RBFOX3: variants seen among roughly 807,000 people sequenced by gnomAD.
RBFOX3 encodes RNA binding protein fox-1 homolog 3.
A neutral mutation model predicts 48.7 loss-of-function variants in RBFOX3; 17 were observed. The observed-to-expected ratio is 0.35, with a 90% CI of 0.24 to 0.52. RBFOX3 has a LOEUF of 0.52. Ranked by LOEUF, RBFOX3 falls within the 20% of genes least tolerant of loss-of-function variation. The probability of loss-of-function intolerance (pLI) is 0.94; values close to 1 mark genes in which losing one functional copy is unlikely to be tolerated. For missense variants in RBFOX3, 382 were observed against 497.5 expected, an observed-to-expected ratio of 0.77 and a Z score of 2.21; for synonymous variants, 212 against 209.5, an observed-to-expected ratio of 1.01 and a Z score of -0.10.
At chr17:79,436,442 G>A (rs536170312) in intron 2 of RBFOX3, among the ~76,000 whole-genome samples, 1 of 152,366 alleles carries the variant, frequency 6.6e-6, no homozygotes, top group Admixed American at 6.5e-5. Context: ...TGGTGACAGA[G>A]GGTAGCCTGA....
At chr17:79,645,031 C>A in the RBFOX3 span, among the ~76,000 whole-genome samples, 1 of 152,174 alleles carries the variant, frequency 6.6e-6, no homozygotes. Flanking sequence ...CGTGTGTAAT[C>A]TAGCAGTAAA....
At chr17:79,492,887 G>A (rs2080897773) in intron 1 of RBFOX3, among the ~76,000 whole-genome samples, 1 of 152,340 alleles carries the variant, frequency 6.6e-6, no homozygotes, top group African/African-American at 2.4e-5. Flanking sequence ...AGGCCCGTGA[G>A]GAGGGAGGAG....
intron 3 of RBFOX3, among the ~76,000 whole-genome samples, chr17:79,292,718 G>A (rs1361537351): frequency 6.6e-6 from 1 of 152,160 alleles, no homozygotes; most frequent in Non-Finnish European, 1.5e-5. Flanking sequence ...TATGCCAAAT[G>A]CTTAGAAGAG....
chr17:79,463,301 T>C (rs2075734331), intron 2 of RBFOX3, among the ~76,000 whole-genome samples: 1 of 45,290 alleles, frequency 2.2e-5, no homozygotes, highest in Admixed American at 2.6e-4. Flanking sequence ...CACTGACACA[T>C]CCACCACCAT....
intron 3 of RBFOX3, among the ~76,000 whole-genome samples, chr17:79,280,304 C>A (rs1390367999): frequency 6.6e-6 from 1 of 152,098 alleles, no homozygotes; most frequent in East Asian, 1.9e-4. Context: ...ACCACACATA[C>A]ACCCCCCAAC....
chr17:79,324,130 G>A (rs866205966), intron 2 of RBFOX3, among the ~76,000 whole-genome samples: 1 of 152,206 alleles, frequency 6.6e-6, no homozygotes, highest in Non-Finnish European at 1.5e-5. Flanking sequence ...TCAGGCCTGG[G>A]GACTGCCACC....
the RBFOX3 span, among the ~76,000 whole-genome samples, chr17:79,665,381 C>A: frequency 6.6e-6 from 1 of 151,402 alleles, no homozygotes; most frequent in African/African-American, 2.4e-5. Context: ...CTGGGAGGGG[C>A]CTGGAGAGGA....
intron 2 of RBFOX3, among the ~76,000 whole-genome samples, chr17:79,378,029 C>T (rs182180493): frequency 2.4e-4 from 37 of 152,340 alleles, no homozygotes; most frequent in Non-Finnish European, 4.9e-4. Context: ...AATGCAGTCA[C>T]AAACTATAAT....
intron 2 of RBFOX3, among the ~76,000 whole-genome samples, chr17:79,458,665 C>A (rs573786816): frequency 5.5e-4 from 84 of 152,140 alleles, no homozygotes; most frequent in African/African-American, 2.0e-3. Flanking sequence ...AGTGCTAGGG[C>A]AGCTCAGCTG....
the RBFOX3 span, among the ~76,000 whole-genome samples, chr17:79,665,180 AAGG>A: frequency 6.6e-6 from 1 of 152,166 alleles, no homozygotes; most frequent in African/African-American, 2.4e-5. Flanking sequence ...CAAATCGGCA[AAGG>A]AGAAGCAAGA....
In RBFOX3 at chr17:79,199,363, T is replaced by A. The variant is rs1330919248; in HGVS notation, c.-34+36403A>T. Among the ~76,000 whole-genome samples the A allele has an allele frequency of 6.6e-6, 1 of 152,120 alleles. No individual in the cohort carries two copies. The highest frequency in any genetic ancestry group is 1.5e-5 in the Non-Finnish European group (1 of 68,004). ...CTTCCAGCAGGTGGGAGGGTCAGACTCAGAGGAGGGAGCATTCCCAGGAGC... is the reference window on the plus strand; with the variant it reads ...CTTCCAGCAGGTGGGAGGGTCAGACACAGAGGAGGGAGCATTCCCAGGAGC... On this transcript the variant is annotated intron_variant, in intron 4 of 14. Coordinates refer to ENST00000693108, the MANE Select transcript of RBFOX3 (RefSeq NM_001350451.2). The surrounding 1 kb of genome is among the most constrained non-coding windows in gnomAD (Gnocchi z 5.1).
chr17:79,241,560 G>A (rs1435477843), intron 3 of RBFOX3, among the ~76,000 whole-genome samples: 1 of 152,218 alleles, frequency 6.6e-6, no homozygotes, highest in Non-Finnish European at 1.5e-5. Context: ...ACTCTGTGCT[G>A]AGGAAGGTTC....
chr17:79,491,229 G>A (rs112329479), intron 1 of RBFOX3, among the ~76,000 whole-genome samples: 21,396 of 141,626 alleles, frequency 0.15, 1,969 homozygotes, highest in Middle Eastern at 0.21. Context: ...GAAGGGGTAG[G>A]GGAAATGTCA....
chr17:79,106,537 G>A, intron 6 of RBFOX3, 114 bp downstream of exon 6: 1 of 1,300,924 alleles, frequency 7.7e-7, no homozygotes, highest in African/African-American at 1.6e-5. Context: ...CCTGCGCAGT[G>A]GGAGGCAGGA....
chr17:79,509,804 C>T (rs1050770924), intron 1 of RBFOX3, among the ~76,000 whole-genome samples: 14 of 152,256 alleles, frequency 9.2e-5, no homozygotes, highest in African/African-American at 3.4e-4. Context: ...AGCCCAGGGC[C>T]TTGCCCTGTG....
intron 1 of RBFOX3, among the ~76,000 whole-genome samples, chr17:79,572,047 A>T (rs1004427967): frequency 2.0e-5 from 3 of 152,182 alleles, no homozygotes; most frequent in Admixed American, 6.5e-5. Context: ...CCTCCTGGGC[A>T]TCCCGAGAGG....
intron 1 of RBFOX3, among the ~76,000 whole-genome samples, chr17:79,513,662 G>C (rs1414714973): frequency 1.3e-5 from 2 of 152,204 alleles, no homozygotes; most frequent in East Asian, 3.9e-4. Flanking sequence ...CCTCGGGCAG[G>C]CTGCATGATC....
chr17:79,611,128 CCT>C (rs1341677131), upstream of RBFOX3, among the ~76,000 whole-genome samples: 71 of 45,268 alleles, frequency 1.6e-3, no homozygotes, highest in African/African-American at 2.3e-3. Flanking sequence ...TCTCCGCCCT[CCT>C]TCTCTCTCTC....
chr17:79,640,628 G>A, the RBFOX3 span, among the ~76,000 whole-genome samples: 1 of 152,040 alleles, frequency 6.6e-6, no homozygotes, highest in Non-Finnish European at 1.5e-5. Flanking sequence ...GAACAAAATA[G>A]AGAGCCCAGA....
Sources: gnomAD v4.1 joint callset for allele counts (sites outside exome capture counted in the v4.1 genomes callset) on GRCh38, gnomAD v4.1.1 for gene constraint, Gnocchi (gnomAD v3.1) non-coding constraint, MANE v1.5 for transcripts, NCBI Gene and HGNC (gene_info 2026-07-23, HGNC 2026-07-21) for gene names.